Variants in PCDHGA3 observed in about 807,000 individuals in gnomAD.
PCDHGA3 encodes protocadherin gamma subfamily A, 3, also known as protocadherin gamma-A3.
In PCDHGA3, 40 loss-of-function variants were observed where a neutral mutation model predicts 58.5. The observed-to-expected ratio is 0.68, with a 90% confidence interval of 0.53 to 0.89. The LOEUF (loss-of-function observed/expected upper bound fraction) is 0.89. Ranked by LOEUF, PCDHGA3 falls within the 40% of genes least tolerant of loss-of-function variation. The pLI is 0.00. For missense variants in PCDHGA3, 1,223 were observed against 1,195.9 expected (o/e 1.02, Z -0.33); for synonymous variants, 530 against 525.7 (o/e 1.01, Z -0.11).
chr5:141,487,356 C>T lies in PCDHGA3; in HGVS notation c.2425-7451C>T. 6.2e-7 allele frequency: 1 copy of T among 1,614,220 alleles called. No individual in the cohort carries two copies. The highest frequency in any genetic ancestry group is 8.5e-7 in the Non-Finnish European group (1 of 1,180,042). ...GCCTGTGGAGTCACATGCTTTCCTG[C>T]TGGCACCTGTGCCTGTCTCACCAGA... On this transcript the variant is annotated intron_variant, in intron 1 of 3. Transcript: ENST00000253812. This position sits in a 1 kb window ranked among gnomAD's most constrained non-coding sequence, Gnocchi z 5.0.
chr5:141,352,084 C>A (rs1254924328), intron 1 of PCDHGA3: 2 of 1,604,412 alleles, frequency 1.2e-6, no homozygotes, highest in Non-Finnish European at 8.5e-7. Context: ...TGCAGGCCAG[C>A]GAGCCCGGGC....
At chr5:141,413,922 A>G (rs769177990) in intron 1 of PCDHGA3, 2 of 1,613,458 alleles carry the variant, frequency 1.2e-6, no homozygotes, top group Non-Finnish European at 1.7e-6. Context: ...TCACCTTGCC[A>G]GAATACCGAG....
At chr5:141,355,093 G>C in intron 1 of PCDHGA3, 1 of 1,483,692 alleles carries the variant, frequency 6.7e-7, no homozygotes. Flanking sequence ...GAAGCCCTGA[G>C]AGCTCTGGCT....
At chr5:141,366,726 C>G (rs761086416) in intron 1 of PCDHGA3, 3 of 1,613,226 alleles carry the variant, frequency 1.9e-6, no homozygotes, top group Admixed American at 3.3e-5. Context: ...AAGGTAGATG[C>G]AAACAAAGAA....
rs200254467 is a variant in PCDHGA3 at position 141,419,887 on chromosome 5, C to T, written c.2424+73430C>T. 380 of 1,614,050 alleles carry T rather than the reference C, an allele frequency of 2.4e-4. 1 individual carries two copies. The Admixed American group carries it at 2.6e-3, about 11-fold the overall frequency. ...TGCAAGAGGTACTGCCGGATTTCAGCGACCATCCCACACCCTCTGACTCCC... is the reference window on the plus strand; with the variant it reads ...TGCAAGAGGTACTGCCGGATTTCAGTGACCATCCCACACCCTCTGACTCCC... On this transcript the variant is annotated intron_variant, in intron 1 of 3. Transcript: ENST00000253812.
chr5:141,404,948 G>C, intron 1 of PCDHGA3: 2 of 1,613,956 alleles, frequency 1.2e-6, no homozygotes, highest in Non-Finnish European at 1.7e-6. Context: ...AGCCATAGCT[G>C]ACAGCATCCC....
rs1382855379 is a variant in PCDHGA3 at position 141,361,380 on chromosome 5, C to T, written c.2424+14923C>T. 6 of 1,613,850 alleles carry T rather than the reference C, an allele frequency of 3.7e-6. 1 individual carries two copies. In the African/African-American group the frequency reaches 4.0e-5, roughly 11 times the overall value. ...ACGGCGCTCTGGACCGGGAGGAGAT[C>T]CCAGAATACAATCTCACCATCACAG... On this transcript the variant is annotated intron_variant, in intron 1 of 3. Transcript: ENST00000253812.
intron 1 of PCDHGA3, among the ~76,000 whole-genome samples, chr5:141,447,275 G>A (rs2098532748): frequency 1.3e-5 from 2 of 152,154 alleles, no homozygotes; most frequent in South Asian, 2.1e-4. Context: ...AAGTAGCTGG[G>A]ACTACAGGCA....
At chr5:141,397,896 C>G (rs371654961) in intron 1 of PCDHGA3, 48 of 650,728 alleles carry the variant, frequency 7.4e-5, no homozygotes, top group African/African-American at 2.0e-4. Flanking sequence ...GGCCAAAGTG[C>G]AGAGCTTGGC....
intron 1 of PCDHGA3, among the ~76,000 whole-genome samples, chr5:141,481,749 C>G (rs958851030): frequency 7.9e-5 from 12 of 151,976 alleles, no homozygotes; most frequent in African/African-American, 2.9e-4. Context: ...GTCAGGAGTC[C>G]AAGACCAGCC....
chr5:141,372,580 C>T (rs1363878149), intron 1 of PCDHGA3: 1 of 1,614,038 alleles, frequency 6.2e-7, no homozygotes, highest in Non-Finnish European at 8.5e-7. Flanking sequence ...TACTTTCAGC[C>T]TGGTGTCTGC....
chr5:141,385,223 A>C (rs766051345), intron 1 of PCDHGA3: 6 of 1,614,184 alleles, frequency 3.7e-6, no homozygotes. Flanking sequence ...CAGCCCAACT[A>C]TGTAGACATG....
At chr5:141,349,405 T>C (rs1422020554) in intron 1 of PCDHGA3, among the ~76,000 whole-genome samples, 1 of 152,060 alleles carries the variant, frequency 6.6e-6, no homozygotes, top group Non-Finnish European at 1.5e-5. Context: ...GAAGCACTGG[T>C]TTCATAAAAC....
chr5:141,499,466 G>C (rs1337970911), intron 2 of PCDHGA3, among the ~76,000 whole-genome samples: 1 of 152,034 alleles, frequency 6.6e-6, no homozygotes, highest in African/African-American at 2.4e-5. Flanking sequence ...TTACAATCTA[G>C]GGAGAACCAC....
intron 1 of PCDHGA3, chr5:141,389,425 C>G (rs1464186383): frequency 6.2e-7 from 1 of 1,613,500 alleles, no homozygotes. Context: ...GTGGTGTTCG[C>G]GCAGCGCGCC....
chr5:141,410,826 G>T, intron 1 of PCDHGA3: 4 of 379,152 alleles, frequency 1.1e-5, no homozygotes, highest in Non-Finnish European at 9.0e-6. Flanking sequence ...AATGTCACCA[G>T]ACTGAAGATA....
intron 1 of PCDHGA3, chr5:141,356,733 A>G (rs755469317): frequency 1.2e-6 from 2 of 1,613,996 alleles, no homozygotes; most frequent in Non-Finnish European, 1.7e-6. Context: ...ACTCCAATAC[A>G]GGGATCCTAT....
At chr5:141,399,511 C>T in intron 1 of PCDHGA3, 1 of 1,614,042 alleles carries the variant, frequency 6.2e-7, no homozygotes, top group Non-Finnish European at 8.5e-7. Context: ...CGAAAACAAC[C>T]CTCCTGGGGC....
intron 1 of PCDHGA3, chr5:141,409,314 C>G: frequency 1.9e-6 from 3 of 1,613,878 alleles, no homozygotes; most frequent in Non-Finnish European, 2.5e-6. Flanking sequence ...CTCTTCAAAA[C>G]ACGGGATCTG....
Sources: gnomAD v4.1 joint callset for allele counts (sites outside exome capture counted in the v4.1 genomes callset) on GRCh38, gnomAD v4.1.1 for gene constraint, Gnocchi (gnomAD v3.1) non-coding constraint, MANE v1.5 for transcripts, NCBI Gene and HGNC (gene_info 2026-07-23, HGNC 2026-07-21) for gene names.